The following ATP11A variants were observed in gnomAD, a reference collection of about 807,000 sequenced individuals.
ATP11A encodes the protein ATPase phospholipid transporting 11A.
In ATP11A, 81 loss-of-function variants were observed where a neutral mutation model predicts 154.4. That is an observed-to-expected ratio of 0.52 (90% CI 0.44 to 0.63). The LOEUF (loss-of-function observed/expected upper bound fraction) is 0.63. ATP11A is among the 30% of genes least tolerant of loss of function. The pLI is 0.00. For synonymous variants in ATP11A, 623 were observed against 585.9 expected, an observed-to-expected ratio of 1.06 and a Z score of -0.91; for missense variants, 1,316 against 1,474.3, an observed-to-expected ratio of 0.89 and a Z score of 1.76.
intron 18 of ATP11A, 119 bp from the exon 19 acceptor site, chr13:112,854,160 T>C (rs1180195184): frequency 8.8e-6 from 12 of 1,369,702 alleles, no homozygotes; most frequent in Non-Finnish European, 1.2e-5. Context: ...GTGTGGAGTG[T>C]TTTGATTTTG....
chr13:112,762,978 C>T (rs1188718600), intron 1 of ATP11A, among the ~76,000 whole-genome samples: 1 of 152,234 alleles, frequency 6.6e-6, no homozygotes, highest in African/African-American at 2.4e-5. Context: ...AACCATTCTT[C>T]AGTTTGCCCC....
intron 1 of ATP11A, among the ~76,000 whole-genome samples, chr13:112,725,674 CAGTG>C (rs1179015268): frequency 6.6e-6 from 1 of 152,230 alleles, no homozygotes; most frequent in African/African-American, 2.4e-5. Flanking sequence ...ATGCCCCAGC[CAGTG>C]AGTGTGTGGC....
chr13:112,776,448 T>C (rs1356034489), intron 1 of ATP11A, among the ~76,000 whole-genome samples: 4 of 152,134 alleles, frequency 2.6e-5, no homozygotes, highest in Non-Finnish European at 5.9e-5. Flanking sequence ...AAAAGGCAGG[T>C]GTCTATGCTG....
chr13:112,691,631 G>A (rs560402477), intron 1 of ATP11A, among the ~76,000 whole-genome samples: 1 of 152,142 alleles, frequency 6.6e-6, no homozygotes, highest in African/African-American at 2.4e-5. Context: ...CGCATGCACC[G>A]GGTTTGATAC....
chr13:112,777,985 G>T (rs1327316949), intron 1 of ATP11A, among the ~76,000 whole-genome samples: 2 of 152,252 alleles, frequency 1.3e-5, no homozygotes, highest in Non-Finnish European at 2.9e-5. Flanking sequence ...CACAGCCCAT[G>T]TGCAGGCGCC....
chr13:112,840,569 C>G (rs1356889365), intron 16 of ATP11A, among the ~76,000 whole-genome samples: 1 of 150,234 alleles, frequency 6.7e-6, no homozygotes, highest in Non-Finnish European at 1.5e-5. Context: ...CAGCCTCAGC[C>G]TCCGTCCTCC....
intron 17 of ATP11A, among the ~76,000 whole-genome samples, chr13:112,845,044 G>A (rs2079544040): frequency 6.7e-6 from 1 of 148,318 alleles, no homozygotes; most frequent in South Asian, 2.1e-4. Context: ...CCGGGCACTA[G>A]CCATACTAAC....
chr13:112,806,185 A>G, intron 3 of ATP11A, 28 bp from the exon 4 acceptor site: 3 of 1,581,012 alleles, frequency 1.9e-6, no homozygotes, highest in South Asian at 1.1e-5. Context: ...GTTTTTGAAG[A>G]TGATTTTACA....
chr13:112,740,074 T>TA (rs1211785764), intron 1 of ATP11A, among the ~76,000 whole-genome samples: 17 of 151,720 alleles, frequency 1.1e-4, no homozygotes, highest in African/African-American at 3.6e-4. Context: ...GTAAATGAAC[T>TA]AAAAAACCAC....
intron 16 of ATP11A, among the ~76,000 whole-genome samples, chr13:112,839,558 A>G (rs2079335900): frequency 6.6e-6 from 1 of 152,026 alleles, no homozygotes; most frequent in Admixed American, 6.6e-5. Context: ...CCCAGAGGGG[A>G]CAGCCACCAA....
intron 12 of ATP11A, among the ~76,000 whole-genome samples, chr13:112,830,265 C>A (rs1404890688): frequency 6.6e-6 from 1 of 152,172 alleles, no homozygotes; most frequent in Admixed American, 6.5e-5. Context: ...CATTCTTATC[C>A]ATTTTACCCT....
chr13:112,705,657 C>T (rs573768011), intron 1 of ATP11A, among the ~76,000 whole-genome samples: 1 of 152,212 alleles, frequency 6.6e-6, no homozygotes, highest in Non-Finnish European at 1.5e-5. Context: ...TGAGCAGAGG[C>T]CTAGTCTGAG....
chr13:112,821,685 G>A (rs2078801035), intron 8 of ATP11A, among the ~76,000 whole-genome samples: 1 of 152,216 alleles, frequency 6.6e-6, no homozygotes, highest in African/African-American at 2.4e-5. Context: ...TTGTAAATTT[G>A]TGATGTGGAC....
intron 28 of ATP11A, among the ~76,000 whole-genome samples, chr13:112,877,581 C>T (rs1256408066): frequency 6.6e-6 from 1 of 152,134 alleles, no homozygotes; most frequent in Admixed American, 6.5e-5. Context: ...CTGCTGGGCC[C>T]CTAGCTGTGG....
intron 1 of ATP11A, among the ~76,000 whole-genome samples, chr13:112,781,127 C>T (rs573383249): frequency 6.6e-6 from 1 of 152,252 alleles, no homozygotes; most frequent in East Asian, 1.9e-4. Context: ...CAACCTCCAC[C>T]TCCGGGTTCA....
intron 1 of ATP11A, among the ~76,000 whole-genome samples, chr13:112,780,671 G>A (rs2077476164): frequency 1.3e-5 from 2 of 152,192 alleles, no homozygotes; most frequent in African/African-American, 4.8e-5. Flanking sequence ...AGTCACATCA[G>A]CACAGGGTAG....
At chr13:112,707,101 A>G (rs1031556936) in intron 1 of ATP11A, among the ~76,000 whole-genome samples, 1 of 152,190 alleles carries the variant, frequency 6.6e-6, no homozygotes, top group African/African-American at 2.4e-5. Context: ...CTAAACGAGC[A>G]TACAGTGCAG....
At position 112,854,529 on chromosome 13, in the gene ATP11A, G is replaced by A. The variant is rs770165824; in HGVS notation, c.2242G>A (p.Gly748Arg). The change falls in exon 19 of 30, where the codon GGA becomes AGA. Residue 748 changes from glycine (G) to arginine (R), a missense_variant and splice_region_variant. By Grantham distance (125) the Gly-to-Arg change is moderately radical (BLOSUM62 -2). Coordinates refer to ENST00000375645, the MANE Select transcript of ATP11A (RefSeq NM_015205.3). ...GAGCCTGACCAGAGACAACCTGTCC[G>A]GGTAGGCAGCGCGTCCCCGCCCCCA... is the stretch of plus-strand genomic sequence containing the variant. Reference protein sequence around the residue: ...SGSLTRDNLSGLSADMQDYGL... With the variant: ...SGSLTRDNLSRLSADMQDYGL... 3.8e-5 allele frequency: 61 copies of A among 1,604,944 alleles called. No individual in the cohort carries two copies. The highest frequency in any genetic ancestry group is 8.9e-5 in the East Asian group (4 of 44,808).
intron 1 of ATP11A, among the ~76,000 whole-genome samples, chr13:112,757,778 A>T (rs1481729477): frequency 6.6e-6 from 1 of 152,260 alleles, no homozygotes; most frequent in Non-Finnish European, 1.5e-5. Flanking sequence ...ATACCTACTC[A>T]AAACGTCTTT....
Sources: gnomAD v4.1 joint callset for allele counts (sites outside exome capture counted in the v4.1 genomes callset) on GRCh38, gnomAD v4.1.1 for gene constraint, MANE v1.5 for transcripts, NCBI Gene and HGNC (gene_info 2026-07-23, HGNC 2026-07-21) for gene names.